Variants in KCNIP3 observed in about 807,000 individuals in gnomAD.
The protein encoded by KCNIP3 is potassium voltage-gated channel interacting protein 3, also known as calsenilin.
In KCNIP3, 28 loss-of-function variants were observed where a neutral mutation model predicts 35.0. The ratio of observed to expected loss-of-function variants is 0.80; its 90% CI spans 0.59 to 1.10. The LOEUF (loss-of-function observed/expected upper bound fraction) is 1.10. Ranked by LOEUF, KCNIP3 falls within the 50% of genes least tolerant of loss-of-function variation. The pLI, the probability that KCNIP3 is intolerant of heterozygous loss-of-function variation, is 0.00. For missense variants in KCNIP3, 295 were observed against 338.4 expected, an observed-to-expected ratio of 0.87 and a Z score of 1.01; for synonymous variants, 134 against 133.8, an observed-to-expected ratio of 1.00 and a Z score of -0.01.
chr2:95,381,722 C>T lies in KCNIP3; in HGVS notation c.555+19C>T, dbSNP rs753533406. On this transcript the variant is annotated intron_variant, in intron 6 of 8. Transcript: ENST00000295225. ...CAAAGAGGTAGTAGGGGGCTGGGGG[C>T]AGGGATTGTCCCCTCCTCCCCTCCT... 3 of 1,538,510 alleles carry T rather than the reference C, an allele frequency of 1.9e-6. No individual in the cohort carries two copies. In the African/African-American group the frequency reaches 4.1e-5, roughly 21 times the overall value.
intron 2 of KCNIP3, among the ~76,000 whole-genome samples, chr2:95,350,171 A>T (rs1679478612): frequency 6.6e-6 from 1 of 152,158 alleles, no homozygotes; most frequent in South Asian, 2.1e-4. Flanking sequence ...CCCGGCAGGC[A>T]GCATTCCTGA....
intron 2 of KCNIP3, among the ~76,000 whole-genome samples, chr2:95,356,749 T>C (rs1374731257): frequency 2.0e-5 from 3 of 152,330 alleles, no homozygotes; most frequent in Admixed American, 2.0e-4. Flanking sequence ...TTGGTTACTG[T>C]AGCCTTGTAG....
At chr2:95,343,261 G>C (rs1444469856) in intron 2 of KCNIP3, among the ~76,000 whole-genome samples, 1 of 152,190 alleles carries the variant, frequency 6.6e-6, no homozygotes, top group Admixed American at 6.5e-5. Flanking sequence ...GAAGTGGCAG[G>C]TTGGGAGAGG....
At chr2:95,356,361 C>T (rs2104280048) in intron 2 of KCNIP3, among the ~76,000 whole-genome samples, 2 of 152,248 alleles carry the variant, frequency 1.3e-5, no homozygotes, top group East Asian at 3.9e-4. Context: ...ACTTAGATCC[C>T]ATTTGTCTAT....
intron 2 of KCNIP3, chr2:95,312,421 C>T (rs1007926798): frequency 2.0e-5 from 3 of 152,346 alleles, no homozygotes; most frequent in African/African-American, 7.2e-5. Context: ...CCCATCCCAC[C>T]TCACGGAAGC....
chr2:95,345,206 G>A (rs1023877671), intron 2 of KCNIP3, among the ~76,000 whole-genome samples: 38 of 152,374 alleles, frequency 2.5e-4, no homozygotes, highest in African/African-American at 8.7e-4. Context: ...TTTCCCACCA[G>A]AAACAGGCTG....
chr2:95,383,962 C>T, intron 8 of KCNIP3, 40 bp from the exon 9 acceptor site: 1 of 1,592,660 alleles, frequency 6.3e-7, no homozygotes, highest in South Asian at 1.1e-5. Context: ...ATTTGGAGCC[C>T]ACCCAGCACC....
At chr2:95,315,219 T>C (rs1255631515) in intron 2 of KCNIP3, among the ~76,000 whole-genome samples, 2 of 151,942 alleles carry the variant, frequency 1.3e-5, no homozygotes, top group Non-Finnish European at 2.9e-5. Flanking sequence ...AGCCCCAGAG[T>C]GATGGCAGGG....
intron 2 of KCNIP3, among the ~76,000 whole-genome samples, chr2:95,372,580 G>T (rs767642418): frequency 6.6e-6 from 1 of 152,138 alleles, no homozygotes; most frequent in East Asian, 1.9e-4. Context: ...GCCTGAGTAG[G>T]TGAGAGGGAT....
intron 5 of KCNIP3, among the ~76,000 whole-genome samples, chr2:95,375,954 A>G (rs1680174623): frequency 6.6e-6 from 1 of 152,248 alleles, no homozygotes; most frequent in Admixed American, 6.5e-5. Context: ...GAAAGCACAG[A>G]GAAGCACATG....
At chr2:95,301,705 C>T (rs1270685060) in intron 1 of KCNIP3, among the ~76,000 whole-genome samples, 1 of 152,076 alleles carries the variant, frequency 6.6e-6, no homozygotes, top group Non-Finnish European at 1.5e-5. Flanking sequence ...TGGCCATGGG[C>T]AACTCAAGTT....
intron 2 of KCNIP3, among the ~76,000 whole-genome samples, chr2:95,331,983 C>T (rs891202512): frequency 1.3e-5 from 2 of 152,228 alleles, no homozygotes; most frequent in South Asian, 2.1e-4. Context: ...GTGAAGGACA[C>T]GGTGTGAGCG....
chr2:95,359,177 G>A (rs1054466569), intron 2 of KCNIP3, among the ~76,000 whole-genome samples: 1 of 152,102 alleles, frequency 6.6e-6, no homozygotes, highest in Non-Finnish European at 1.5e-5. Context: ...GCTCATTCCA[G>A]CAGCAACTCA....
intron 2 of KCNIP3, among the ~76,000 whole-genome samples, chr2:95,362,594 G>A (rs377367944): frequency 2.4e-4 from 36 of 152,320 alleles, no homozygotes; most frequent in African/African-American, 8.4e-4. Flanking sequence ...ATCTGCATAT[G>A]CACCCCTCGC....
rs761469133 is a variant in KCNIP3, at chr2:95,382,519, G to A, written c.660+38G>A. ...CAGCCCTGCCTAGGGAGGGGAGCCTGGCAGAGGAAGGGGCTCTCGCTTTTG... is the reference window on the plus strand; with the variant it reads ...CAGCCCTGCCTAGGGAGGGGAGCCTAGCAGAGGAAGGGGCTCTCGCTTTTG... On this transcript the variant is annotated intron_variant, in intron 7 of 8. Transcript: ENST00000295225. The surrounding 1 kb of genome is among the most constrained non-coding windows in gnomAD (Gnocchi z 4.5). 4.1e-6 allele frequency: 6 copies of A among 1,470,298 alleles called. No individual in the cohort carries two copies. The highest frequency in any genetic ancestry group is 5.6e-6 in the Non-Finnish European group (6 of 1,075,298). 91.1% of individuals were successfully genotyped at this position (1,470,298 alleles called of 1,614,324 possible). A position where few individuals can be genotyped will look rare whatever the true frequency, so the allele number is the denominator to read the frequency against.
At chr2:95,369,259 A>G (rs1206307392) in intron 2 of KCNIP3, among the ~76,000 whole-genome samples, 1 of 152,078 alleles carries the variant, frequency 6.6e-6, no homozygotes, top group African/African-American at 2.4e-5. Context: ...GTGGTGGATT[A>G]TGTTGTTTTA....
intron 2 of KCNIP3, among the ~76,000 whole-genome samples, chr2:95,353,305 C>T (rs989917915): frequency 1.3e-5 from 2 of 152,230 alleles, no homozygotes; most frequent in African/African-American, 2.4e-5. Flanking sequence ...GGAAGAGCAG[C>T]TGACACCAGG....
At chr2:95,307,936 G>A (rs1678217638) in intron 1 of KCNIP3, among the ~76,000 whole-genome samples, 1 of 152,226 alleles carries the variant, frequency 6.6e-6, no homozygotes, top group Admixed American at 6.5e-5. Flanking sequence ...AAAGACTCCT[G>A]AATAAGATCA....
At chr2:95,356,475 G>A (rs1400318061) in intron 2 of KCNIP3, among the ~76,000 whole-genome samples, 1 of 152,158 alleles carries the variant, frequency 6.6e-6, no homozygotes, top group Non-Finnish European at 1.5e-5. Context: ...GGTTTTTATG[G>A]TTTTAGGTCT....
Sources: gnomAD v4.1 joint callset for allele counts (sites outside exome capture counted in the v4.1 genomes callset) on GRCh38, gnomAD v4.1.1 for gene constraint, Gnocchi (gnomAD v3.1) non-coding constraint, MANE v1.5 for transcripts, NCBI Gene and HGNC (gene_info 2026-07-23, HGNC 2026-07-21) for gene names.